Variants in PNPT1 observed in about 807,000 individuals in gnomAD.
The protein encoded by PNPT1 is polyribonucleotide nucleotidyltransferase 1, also known as polyribonucleotide nucleotidyltransferase 1, mitochondrial.
A neutral mutation model predicts 119.5 loss-of-function variants in PNPT1; 53 were observed. That is an observed-to-expected ratio of 0.44 (90% CI 0.36 to 0.56). The LOEUF is 0.56. Ranked by LOEUF, PNPT1 falls within the 20% of genes least tolerant of loss-of-function variation. The pLI is 0.00. For missense variants in PNPT1, 948 were observed against 938.5 expected (o/e 1.01, Z -0.13); for synonymous variants, 357 against 322.1 (o/e 1.11, Z -1.16).
chr2:55,686,695 A>G (rs1697415453), intron 2 of PNPT1, among the ~76,000 whole-genome samples: 1 of 152,228 alleles, frequency 6.6e-6, no homozygotes, highest in Non-Finnish European at 1.5e-5. Context: ...AGTATTCTCT[A>G]CTTCTTATGT....
At position 55,647,435 on chromosome 2, in the gene PNPT1, G is replaced by A; in HGVS notation, c.1514C>T (p.Ala505Val). 1.9e-6 allele frequency: 3 copies of A among 1,608,222 alleles called. No individual in the cohort carries two copies. The South Asian group carries it at 3.3e-5, about 18-fold the overall frequency. The change falls in exon 19 of 28, where the codon GCT becomes GTT. Residue 505 changes from alanine to valine, a missense_variant. Coordinates refer to ENST00000447944, the MANE Select transcript of PNPT1 (RefSeq NM_033109.5). Reference protein sequence around the residue: ...LMDSGVPISSAVAGVAIGLVT... With the variant: ...LMDSGVPISSVVAGVAIGLVT... ...CAATCCTATTGCTACGCCTGCAACAGCAGATGAAATTGGAACCCCTATAAT... is the reference window on the plus strand; with the variant it reads ...CAATCCTATTGCTACGCCTGCAACAACAGATGAAATTGGAACCCCTATAAT...
chr2:55,689,790 A>G (rs1697532046), intron 1 of PNPT1, among the ~76,000 whole-genome samples: 7 of 152,198 alleles, frequency 4.6e-5, no homozygotes, highest in Admixed American at 4.6e-4. Flanking sequence ...CTTTGAATAT[A>G]CTAATATCCA....
intron 9 of PNPT1, among the ~76,000 whole-genome samples, chr2:55,672,463 A>G (rs1696945079): frequency 6.6e-6 from 1 of 152,128 alleles, no homozygotes; most frequent in Non-Finnish European, 1.5e-5. Context: ...AACCTTTTCA[A>G]TTTTTTCAAA....
At chr2:55,678,957 T>G (rs1246116127) in intron 8 of PNPT1, among the ~76,000 whole-genome samples, 1 of 152,158 alleles carries the variant, frequency 6.6e-6, no homozygotes, top group Non-Finnish European at 1.5e-5. Context: ...GAAGACCCTA[T>G]GTCAAAAAGT....
intron 1 of PNPT1, among the ~76,000 whole-genome samples, chr2:55,692,591 G>C (rs1340166508): frequency 6.6e-6 from 1 of 151,970 alleles, no homozygotes; most frequent in Non-Finnish European, 1.5e-5. Context: ...AAACCACCTA[G>C]TCCCATAATA....
Position 55,656,212 on chromosome 2 carries a change from C to G in PNPT1, c.1360G>C (p.Ala454Pro). The change falls in exon 17 of 28, where the codon GCT (alanine) becomes CCT (proline). Residue 454 changes from alanine to proline, a missense_variant. Physicochemically the swap from Ala to Pro is conservative, Grantham distance 27. Coordinates refer to ENST00000447944, the MANE Select transcript of PNPT1 (RefSeq NM_033109.5). ...ATAACAGGATACAAAGCTTTCTCAG[C>G]AAGAGCACCTAAATTAGAATAGAAA... ...NRRELGHGALAEKALYPVIPR... is the reference protein window; with the variant it reads ...NRRELGHGALPEKALYPVIPR... 6.2e-7 allele frequency: 1 copy of G among 1,613,062 alleles called. No individual in the cohort carries two copies. The highest frequency in any genetic ancestry group is 8.5e-7 in the Non-Finnish European group (1 of 1,179,526).
intron 23 of PNPT1, among the ~76,000 whole-genome samples, chr2:55,644,266 A>G (rs1695921397): frequency 6.6e-6 from 1 of 152,152 alleles, no homozygotes; most frequent in Admixed American, 6.6e-5. Flanking sequence ...GCTTTTTTTT[A>G]TATACTCTTT....
intron 1 of PNPT1, 94 bp downstream of exon 1, chr2:55,693,568 TG>T: frequency 6.6e-7 from 1 of 1,524,816 alleles, no homozygotes; most frequent in Non-Finnish European, 8.9e-7. Flanking sequence ...TAAATAGAGC[TG>T]GGATACCGGG....
chr2:55,661,841 A>C (rs575814985), intron 14 of PNPT1, 115 bp downstream of exon 14: 123 of 972,594 alleles, frequency 1.3e-4, no homozygotes, highest in Non-Finnish European at 1.7e-4. Flanking sequence ...CAGAAAAATG[A>C]AGTACAAAAA....
intron 11 of PNPT1, among the ~76,000 whole-genome samples, chr2:55,668,530 G>A (rs1299014252): frequency 6.6e-6 from 1 of 151,958 alleles, no homozygotes; most frequent in East Asian, 1.9e-4. Context: ...GAGCCAATGC[G>A]CCCGGCCCAT....
intron 26 of PNPT1, among the ~76,000 whole-genome samples, chr2:55,639,646 T>C (rs1380521290): frequency 6.6e-6 from 1 of 152,244 alleles, no homozygotes; most frequent in Non-Finnish European, 1.5e-5. Context: ...TAAAAGCCCT[T>C]TGTAAATTAA....
Position 55,647,452 on chromosome 2 carries a change from C to A in PNPT1, c.1497G>T (p.Gly499=). The change falls in exon 19 of 28, where the codon GGG becomes GGT. Residue 499 remains glycine (G), a splice_region_variant and synonymous_variant. Transcript: ENST00000447944. ...CTGCAACAGCAGATGAAATTGGAACCCCTATAATTGGGAAAAAGAACAACT... is the reference window on the plus strand; with the variant it reads ...CTGCAACAGCAGATGAAATTGGAACACCTATAATTGGGAAAAAGAACAACT... ...CGGSLALMDS[G]VPISSAVAGV... The A allele has an allele frequency of 6.2e-7, 1 of 1,604,260 alleles. No individual in the cohort carries two copies. The highest frequency in any genetic ancestry group is 8.5e-7 in the Non-Finnish European group (1 of 1,174,584).
chr2:55,691,692 G>A (rs1053494683), intron 1 of PNPT1, among the ~76,000 whole-genome samples: 3 of 151,904 alleles, frequency 2.0e-5, no homozygotes, highest in Admixed American at 6.6e-5. Flanking sequence ...TTTGAAGCAT[G>A]TGTAGTCCTT....
chr2:55,687,734 A>G, intron 1 of PNPT1, 29 bp from the exon 2 acceptor site: 1 of 1,516,302 alleles, frequency 6.6e-7, no homozygotes, highest in Non-Finnish European at 9.0e-7. Context: ...GCAATACAAG[A>G]AGACTTAGGT....
At chr2:55,654,870 A>G (rs1372167755) in intron 18 of PNPT1, 30 bp downstream of exon 18, 1 of 1,604,936 alleles carries the variant, frequency 6.2e-7, no homozygotes, top group Non-Finnish European at 8.5e-7. Flanking sequence ...CATGAGCAAT[A>G]TCAGCAGTTT....
At position 55,670,574 on chromosome 2, in the gene PNPT1, G is replaced by A. The variant is rs958113125; in HGVS notation, c.976+745C>T. Among the ~76,000 whole-genome samples, 3 of 152,134 alleles carry A rather than the reference G, an allele frequency of 2.0e-5. No individual in the cohort carries two copies. In the South Asian group the frequency reaches 6.2e-4, roughly 32 times the overall value. On this transcript the variant is annotated intron_variant, in intron 11 of 27. Transcript: ENST00000447944. ...GTTCTGTATCTTATGATTCCACTAG[G>A]TATTAAGAATAGCATCAGTTAACAT...
chr2:55,642,943 C>G (rs1378740549), intron 25 of PNPT1, among the ~76,000 whole-genome samples: 1 of 152,050 alleles, frequency 6.6e-6, no homozygotes, highest in African/African-American at 2.4e-5. Context: ...ATAGTGAGAC[C>G]ATGTCTTTAC....
intron 10 of PNPT1, 126 bp downstream of exon 10, chr2:55,671,869 T>C (rs567240292): frequency 2.5e-5 from 17 of 688,024 alleles, no homozygotes; most frequent in South Asian, 6.7e-5. Context: ...AATTAGGCTT[T>C]TGTTAGTTTT....
chr2:55,672,551 A>T (rs995704412), intron 9 of PNPT1, among the ~76,000 whole-genome samples: 1 of 152,218 alleles, frequency 6.6e-6, no homozygotes, highest in Admixed American at 6.5e-5. Context: ...TGTAACAGTG[A>T]TTACCTCTGA....
Sources: allele counts gnomAD v4.1 joint callset (sites outside exome capture counted in the v4.1 genomes callset), GRCh38; gene constraint gnomAD v4.1.1; transcripts MANE v1.5; gene names NCBI Gene and HGNC (gene_info 2026-07-23, HGNC 2026-07-21).